The following CPA6 variants were observed in gnomAD, a reference collection of about 807,000 sequenced individuals.
CPA6 encodes the protein carboxypeptidase A6.
A neutral mutation model predicts 63.3 loss-of-function variants in CPA6; 58 were observed. The ratio of observed to expected loss-of-function variants is 0.92; its 90% CI spans 0.74 to 1.14. The LOEUF is 1.14. Ranked by LOEUF, CPA6 falls within the 50% of genes most tolerant of loss-of-function variation. The pLI is 0.00. For missense variants in CPA6, 565 were observed against 526.6 expected (o/e 1.07, Z -0.71); for synonymous variants, 185 against 179.0 (o/e 1.03, Z -0.27).
At chr8:67,463,487 AG>A (rs1810860587) in intron 8 of CPA6, among the ~76,000 whole-genome samples, 1 of 122,434 alleles carries the variant, frequency 8.2e-6, no homozygotes, top group African/African-American at 2.8e-5. Context: ...GATAAATAAA[AG>A]AAGAATTCTA....
intron 8 of CPA6, among the ~76,000 whole-genome samples, chr8:67,466,384 A>G (rs537102828): frequency 6.6e-6 from 1 of 152,080 alleles, no homozygotes; most frequent in Non-Finnish European, 1.5e-5. Flanking sequence ...CAGTCTATCA[A>G]TATGGTTTAT....
chr8:67,494,913 G>A (rs1811677242), intron 6 of CPA6, among the ~76,000 whole-genome samples: 1 of 152,158 alleles, frequency 6.6e-6, no homozygotes, highest in Non-Finnish European at 1.5e-5. Flanking sequence ...TGTGAATCAG[G>A]TATTCATTCA....
intron 1 of CPA6, among the ~76,000 whole-genome samples, chr8:67,647,614 A>G (rs1387450954): frequency 3.9e-5 from 6 of 152,174 alleles, no homozygotes; most frequent in Non-Finnish European, 5.9e-5. Flanking sequence ...CTGTCTCTCA[A>G]TTGTCTCCCA....
At chr8:67,649,881 G>C (rs1353049474) in intron 1 of CPA6, among the ~76,000 whole-genome samples, 2 of 152,094 alleles carry the variant, frequency 1.3e-5, no homozygotes, top group African/African-American at 4.8e-5. Flanking sequence ...AAGGGAAAGC[G>C]GCAAAGTGAC....
Position 67,509,552 on chromosome 8 carries a change from T to A in CPA6, c.499A>T (p.Arg167Ter), listed in dbSNP as rs1163360436. The change falls in exon 5 of 11, where the codon AGA becomes TGA. Residue 167 changes from arginine (R) to a stop codon, truncating the protein, a stop_gained. Coordinates refer to ENST00000297770, the MANE Select transcript of CPA6 (RefSeq NM_020361.5). LOFTEE classifies it high-confidence loss of function. ...AAAAGAGATCTTCCCTCATATGATC[T>A]TCCAATAGAGAACATGTGAATGAGG... The part of the protein sequence containing the change: ...SGLIHMFSIG[R>*]SYEGRSLFIL... 1 of 1,595,162 alleles carries A rather than the reference T, an allele frequency of 6.3e-7. No homozygotes were observed. Among genetic ancestry groups the A allele is most frequent in the African/African-American group, 1.3e-5 (1 of 74,482 alleles).
rs563342853 is a variant in CPA6 at position 67,534,485 on chromosome 8, G to A, written c.193-16438C>T. Among the ~76,000 whole-genome samples the A allele has an allele frequency of 2.0e-5, 3 of 152,252 alleles. No homozygotes were observed. In the East Asian group the frequency reaches 5.8e-4, roughly 29 times the overall value. On this transcript the variant is annotated intron_variant, in intron 2 of 10. Coordinates refer to ENST00000297770, the MANE Select transcript of CPA6 (RefSeq NM_020361.5). ...GTTCTTTTCCTGATACCTCCCAACT[G>A]TTGTAAATTGGTTATCAACCTATCT...
chr8:67,588,182 A>C (rs1183086012), intron 2 of CPA6, among the ~76,000 whole-genome samples: 1 of 152,206 alleles, frequency 6.6e-6, no homozygotes, highest in Non-Finnish European at 1.5e-5. Flanking sequence ...GAAGAGAAAT[A>C]GGGAGATCAG....
At chr8:67,485,358 C>A (rs1478794807) in intron 6 of CPA6, among the ~76,000 whole-genome samples, 1 of 152,148 alleles carries the variant, frequency 6.6e-6, no homozygotes, top group Non-Finnish European at 1.5e-5. Context: ...TCTTTCCCTC[C>A]ACCAAGGTAA....
At chr8:67,457,494 A>G (rs1810702226) in intron 8 of CPA6, among the ~76,000 whole-genome samples, 2 of 152,066 alleles carry the variant, frequency 1.3e-5, no homozygotes, top group South Asian at 4.2e-4. Flanking sequence ...TCTTTCCTCC[A>G]GTCAGTCACT....
chr8:67,673,644 G>A (rs1033279289), intron 1 of CPA6, among the ~76,000 whole-genome samples: 2 of 150,942 alleles, frequency 1.3e-5, no homozygotes, highest in African/African-American at 4.9e-5. Context: ...CACCCACCTC[G>A]GCCTCCCAAA....
intron 1 of CPA6, among the ~76,000 whole-genome samples, chr8:67,721,702 T>C (rs1817503741): frequency 6.6e-6 from 1 of 151,566 alleles, no homozygotes; most frequent in Non-Finnish European, 1.5e-5. Flanking sequence ...TTCTCAAAAG[T>C]GGGAAAAAAA....
intron 6 of CPA6, among the ~76,000 whole-genome samples, chr8:67,487,626 C>T (rs1044779435): frequency 3.9e-5 from 6 of 152,206 alleles, no homozygotes; most frequent in Non-Finnish European, 7.3e-5. Flanking sequence ...GAGGAATCGC[C>T]ACATTGTCTT....
At chr8:67,530,740 G>A (rs981001734) in intron 2 of CPA6, among the ~76,000 whole-genome samples, 3 of 152,166 alleles carry the variant, frequency 2.0e-5, no homozygotes, top group African/African-American at 7.2e-5. Context: ...GTTGGTAGTT[G>A]GAACTGCCAT....
chr8:67,657,158 G>A (rs1053440370), intron 1 of CPA6, among the ~76,000 whole-genome samples: 10 of 152,004 alleles, frequency 6.6e-5, no homozygotes, highest in African/African-American at 2.4e-4. Flanking sequence ...GATACAAACT[G>A]GGAAATATTT....
At chr8:67,690,677 A>G (rs1816797343) in intron 1 of CPA6, among the ~76,000 whole-genome samples, 1 of 152,236 alleles carries the variant, frequency 6.6e-6, no homozygotes, top group African/African-American at 2.4e-5. Flanking sequence ...TTAGAAAAGA[A>G]TATTAGAAGA....
intron 2 of CPA6, among the ~76,000 whole-genome samples, chr8:67,623,093 T>C (rs1253412452): frequency 1.3e-5 from 2 of 152,222 alleles, no homozygotes; most frequent in Non-Finnish European, 2.9e-5. Context: ...CACTGAAACA[T>C]AGCAAAACTA....
intron 2 of CPA6, among the ~76,000 whole-genome samples, chr8:67,544,760 G>A (rs1011232924): frequency 4.6e-5 from 7 of 151,992 alleles, no homozygotes; most frequent in Admixed American, 2.0e-4. Context: ...TATATCTTTC[G>A]TACAACTTAA....
At chr8:67,617,656 G>A (rs1033963123) in intron 2 of CPA6, among the ~76,000 whole-genome samples, 9 of 152,166 alleles carry the variant, frequency 5.9e-5, no homozygotes, top group African/African-American at 1.9e-4. Flanking sequence ...TTACCACAAG[G>A]TTAGCAGCTC....
chr8:67,562,944 T>C (rs987719234), intron 2 of CPA6, among the ~76,000 whole-genome samples: 7 of 152,206 alleles, frequency 4.6e-5, no homozygotes, highest in African/African-American at 1.7e-4. Flanking sequence ...TGATATACTA[T>C]ATTGCAATGG....
Sources: gnomAD v4.1 joint callset for allele counts (sites outside exome capture counted in the v4.1 genomes callset) on GRCh38, gnomAD v4.1.1 for gene constraint, MANE v1.5 for transcripts, NCBI Gene and HGNC (gene_info 2026-07-23, HGNC 2026-07-21) for gene names.